The following ATF7IP2 variants were observed in gnomAD, a reference collection of about 807,000 sequenced individuals.
ATF7IP2 encodes activating transcription factor 7 interacting protein 2, also known as activating transcription factor 7-interacting protein 2.
In ATF7IP2, 42 loss-of-function variants were observed where a neutral mutation model predicts 64.2. The observed-to-expected ratio is 0.65, with a 90% CI of 0.51 to 0.85. ATF7IP2 has a LOEUF of 0.85. ATF7IP2 is among the 40% of genes least tolerant of loss of function. The probability of loss-of-function intolerance (pLI) is 0.00; values close to 1 mark genes in which losing one functional copy is unlikely to be tolerated. For missense variants in ATF7IP2, 933 were observed against 784.2 expected (o/e 1.19, Z -2.27); for synonymous variants, 308 against 272.8 (o/e 1.13, Z -1.27).
At chr16:10,421,993 A>C (rs2047996838) in intron 3 of ATF7IP2, among the ~76,000 whole-genome samples, 1 of 152,262 alleles carries the variant, frequency 6.6e-6, no homozygotes, top group African/African-American at 2.4e-5. Context: ...AGGAGAAGGC[A>C]GTCCTGGCTG....
At chr16:10,409,705 G>T (rs747960025) in intron 1 of ATF7IP2, among the ~76,000 whole-genome samples, 1 of 152,154 alleles carries the variant, frequency 6.6e-6, no homozygotes, top group Admixed American at 6.5e-5. Flanking sequence ...GATTACAGGC[G>T]TGAGCCACCA....
intron 1 of ATF7IP2, among the ~76,000 whole-genome samples, chr16:10,401,108 G>C (rs145093929): frequency 1.3e-5 from 2 of 152,148 alleles, no homozygotes; most frequent in South Asian, 2.1e-4. Flanking sequence ...ATTGATTTGC[G>C]TGTGTAGAAC....
chr16:10,398,787 C>T (rs2047470838), intron 1 of ATF7IP2, among the ~76,000 whole-genome samples: 1 of 151,946 alleles, frequency 6.6e-6, no homozygotes, highest in Admixed American at 6.6e-5. Flanking sequence ...AGATACTGGT[C>T]AAAGGATATA....
chr16:10,401,919 G>A (rs540673183), intron 1 of ATF7IP2, among the ~76,000 whole-genome samples: 1 of 151,918 alleles, frequency 6.6e-6, no homozygotes, highest in Non-Finnish European at 1.5e-5. Context: ...AATAGTCTCT[G>A]TTGTTGTTTT....
chr16:10,418,386 T>C (rs2047920827), intron 2 of ATF7IP2, among the ~76,000 whole-genome samples: 2 of 152,184 alleles, frequency 1.3e-5, no homozygotes, highest in African/African-American at 4.8e-5. Context: ...TGGGGCCTGT[T>C]GATGGCCAGA....
chr16:10,477,980 A>T (rs539932967), intron 12 of ATF7IP2, among the ~76,000 whole-genome samples: 2 of 146,578 alleles, frequency 1.4e-5, no homozygotes, highest in African/African-American at 5.0e-5. Context: ...AGAACTACAA[A>T]CCACTGCTCA....
intron 1 of ATF7IP2, among the ~76,000 whole-genome samples, chr16:10,410,068 G>T (rs1436250696): frequency 1.3e-5 from 2 of 151,978 alleles, no homozygotes; most frequent in East Asian, 1.9e-4. Context: ...CTCTTTTTTG[G>T]TTCCATATGA....
rs376209850 is a variant in ATF7IP2, at chr16:10,451,916, G to A, written c.1195-5456G>A. 3.3e-5 allele frequency among the ~76,000 whole-genome samples: 5 copies of A among 152,142 alleles called. No homozygotes were observed. In the East Asian group the frequency reaches 7.8e-4, roughly 24 times the overall value. ...AAAATACAAAAAAGTAGCTGGGCGT[G>A]GTGGTGCACGCCTGTAGTCCCAGCT... On this transcript the variant is annotated intron_variant, in intron 8 of 13. Transcript: ENST00000562102.
At chr16:10,429,812 ATTTAT>A (rs2048186867) in intron 4 of ATF7IP2, among the ~76,000 whole-genome samples, 1 of 119,342 alleles carries the variant, frequency 8.4e-6, no homozygotes, top group Admixed American at 8.0e-5. Context: ...ATTTTACTTC[ATTTAT>A]TTTATTTTTA....
intron 6 of ATF7IP2, among the ~76,000 whole-genome samples, chr16:10,436,348 C>T (rs916869429): frequency 4.6e-5 from 7 of 151,430 alleles, no homozygotes; most frequent in South Asian, 2.1e-4. Flanking sequence ...AGCAACAGAG[C>T]GAGACTCTGT....
intron 12 of ATF7IP2, 96 bp downstream of exon 12, chr16:10,474,085 TGA>T: frequency 3.9e-6 from 3 of 772,630 alleles, no homozygotes; most frequent in Non-Finnish European, 6.4e-6. Context: ...TTTTAATATG[TGA>T]GTGTGCCTAT....
At chr16:10,481,033 T>C in intron 13 of ATF7IP2, 69 bp downstream of exon 13, 1 of 1,156,966 alleles carries the variant, frequency 8.6e-7, no homozygotes, top group Non-Finnish European at 1.3e-6. Context: ...ATGTTACTCT[T>C]GAAGAAACAT....
intron 8 of ATF7IP2, among the ~76,000 whole-genome samples, chr16:10,441,599 G>GT (rs1244822224): frequency 6.6e-6 from 1 of 152,056 alleles, no homozygotes; most frequent in Non-Finnish European, 1.5e-5. Context: ...TGATGGGGTT[G>GT]TTTTTTTCTT....
intron 8 of ATF7IP2, chr16:10,445,535 A>C (rs1001739581): frequency 6.6e-6 from 1 of 151,802 alleles, no homozygotes; most frequent in African/African-American, 2.4e-5. Context: ...ACAGGGCTTT[A>C]CTCTTGTTGC....
intron 1 of ATF7IP2, among the ~76,000 whole-genome samples, chr16:10,404,986 T>TAGA (rs1279620998): frequency 6.6e-6 from 1 of 152,166 alleles, no homozygotes; most frequent in Non-Finnish European, 1.5e-5. Context: ...GTTTTTCTTA[T>TAGA]AGAAGCAAAT....
chr16:10,455,505 TAAG>T (rs1672199434), intron 8 of ATF7IP2, among the ~76,000 whole-genome samples: 2 of 152,214 alleles, frequency 1.3e-5, no homozygotes, highest in Non-Finnish European at 2.9e-5. Flanking sequence ...GGTAATTTGT[TAAG>T]GTAACTTCAG....
intron 1 of ATF7IP2, among the ~76,000 whole-genome samples, chr16:10,396,822 A>AT (rs1310012538): frequency 7.0e-6 from 1 of 143,272 alleles, no homozygotes; most frequent in African/African-American, 2.7e-5. Flanking sequence ...ACTAATTAAA[A>AT]AAAAAATTTT....
intron 9 of ATF7IP2, among the ~76,000 whole-genome samples, chr16:10,469,092 A>G (rs2049690865): frequency 6.6e-6 from 1 of 152,212 alleles, no homozygotes; most frequent in Non-Finnish European, 1.5e-5. Flanking sequence ...AAATTTTACA[A>G]TATCTGACAT....
At chr16:10,475,722 G>GAAAAAAAAAAAAAAAAAAA (rs386384218) in intron 12 of ATF7IP2, among the ~76,000 whole-genome samples, 40 of 41,618 alleles carry the variant, frequency 9.6e-4, no homozygotes, top group East Asian at 1.6e-3. Context: ...TAAGAAGCCA[G>GAAAAAAAAAAAAAAAAAAA]AAAAAAAAAA....
Sources: allele counts gnomAD v4.1 joint callset (sites outside exome capture counted in the v4.1 genomes callset), GRCh38; gene constraint gnomAD v4.1.1; transcripts MANE v1.5; gene names NCBI Gene and HGNC (gene_info 2026-07-23, HGNC 2026-07-21).